Variants in FRMD4A observed in about 807,000 individuals in gnomAD.
FRMD4A encodes FERM domain-containing protein 4A.
Under a neutral mutation model 129.1 loss-of-function variants are expected in FRMD4A, and 29 were observed. That is an observed-to-expected ratio of 0.22 (90% CI 0.17 to 0.31). FRMD4A has a LOEUF of 0.31. Among genes scored for constraint, FRMD4A ranks in the 10% least tolerant of loss-of-function variants. The pLI, the probability that FRMD4A is intolerant of heterozygous loss-of-function variation, is 1.00. For missense variants in FRMD4A, 1,272 were observed against 1,375.8 expected (o/e 0.92, Z 1.19); for synonymous variants, 634 against 571.6 (o/e 1.11, Z -1.56).
intron 2 of FRMD4A, among the ~76,000 whole-genome samples, chr10:13,886,529 G>A (rs186854896): frequency 1.4e-4 from 21 of 152,264 alleles, no homozygotes; most frequent in African/African-American, 2.6e-4. Context: ...CCTAACAAGC[G>A]ACACTGTGCT....
intron 12 of FRMD4A, among the ~76,000 whole-genome samples, chr10:13,715,203 C>G (rs2088662137): frequency 6.6e-6 from 1 of 151,950 alleles, no homozygotes; most frequent in Admixed American, 6.6e-5. Context: ...GTCAGGAGCC[C>G]TCAGTTCTAG....
At chr10:14,295,005 C>G (rs903061291) in intron 2 of FRMD4A, among the ~76,000 whole-genome samples, 9 of 152,140 alleles carry the variant, frequency 5.9e-5, no homozygotes, top group African/African-American at 2.2e-4. Flanking sequence ...TAAAGTCAGA[C>G]AAGAAGACAA....
intron 3 of FRMD4A, among the ~76,000 whole-genome samples, chr10:13,841,643 C>T (rs1394958745): frequency 2.0e-5 from 3 of 152,204 alleles, no homozygotes; most frequent in Non-Finnish European, 4.4e-5. Context: ...TGCACTGTAA[C>T]TCCAGGAGGA....
chr10:13,815,027 C>T (rs1273065337), intron 3 of FRMD4A, among the ~76,000 whole-genome samples: 1 of 152,090 alleles, frequency 6.6e-6, no homozygotes, highest in African/African-American at 2.4e-5. Flanking sequence ...ACATTGAACT[C>T]TCCTAATTCC....
chr10:14,230,608 A>AT (rs1843606723), intron 2 of FRMD4A, among the ~76,000 whole-genome samples: 1 of 152,092 alleles, frequency 6.6e-6, no homozygotes, highest in African/African-American at 2.4e-5. Flanking sequence ...AATTTTTAAA[A>AT]TTTTTTATTG....
intron 6 of FRMD4A, among the ~76,000 whole-genome samples, chr10:13,779,747 C>A (rs560889544): frequency 6.7e-6 from 1 of 148,900 alleles, no homozygotes; most frequent in African/African-American, 2.5e-5. Context: ...TTTTGGCCTC[C>A]AAATTAATTA....
intron 12 of FRMD4A, among the ~76,000 whole-genome samples, chr10:13,711,147 G>A (rs2087976910): frequency 6.6e-6 from 1 of 152,194 alleles, no homozygotes; most frequent in African/African-American, 2.4e-5. Flanking sequence ...AAGGCAGTAG[G>A]GACCAGGAGG....
At chr10:13,729,443 T>TGCGGCGC (rs1480920109) in intron 12 of FRMD4A, 7 of 152,298 alleles carry the variant, frequency 4.6e-5, no homozygotes, top group African/African-American at 1.7e-4. Flanking sequence ...CGGCAGAACG[T>TGCGGCGC]ACACCGCACC....
rs528826254 is a variant in FRMD4A, at chr10:13,811,764, G to A, written c.112-856C>T. 2.0e-5 allele frequency among the ~76,000 whole-genome samples: 3 copies of A among 152,034 alleles called. No individual in the cohort carries two copies. In the South Asian group the frequency reaches 6.2e-4, roughly 32 times the overall value. On this transcript the variant is annotated intron_variant, in intron 3 of 24. Transcript: ENST00000357447. Reference sequence around the variant, plus strand: ...CTGATGCGGAAACAGGGCCGGAAGAGAAGAGTTATTTCTAAACTAGCTTCC... The same window carrying A: ...CTGATGCGGAAACAGGGCCGGAAGAAAAGAGTTATTTCTAAACTAGCTTCC...
chr10:14,141,361 C>T (rs561944805), intron 2 of FRMD4A, among the ~76,000 whole-genome samples: 1 of 152,276 alleles, frequency 6.6e-6, no homozygotes, highest in East Asian at 1.9e-4. Flanking sequence ...AACAGCAGGG[C>T]ACACAACCCC....
At chr10:13,780,882 G>C (rs765442743) in intron 6 of FRMD4A, among the ~76,000 whole-genome samples, 9 of 152,128 alleles carry the variant, frequency 5.9e-5, no homozygotes, top group Non-Finnish European at 1.2e-4. Flanking sequence ...GAGATATTTA[G>C]ACATCCATGT....
intron 2 of FRMD4A, among the ~76,000 whole-genome samples, chr10:13,955,125 T>TTTTTTTTTTTTTG (rs2095402289): frequency 1.4e-5 from 2 of 147,696 alleles, no homozygotes; most frequent in Non-Finnish European, 1.5e-5. Context: ...TTTTTTTTTT[T>TTTTTTTTTTTTTG]GAGACGGAGT....
chr10:13,707,694 T>G, intron 12 of FRMD4A: 1 of 985,522 alleles, frequency 1.0e-6, no homozygotes, highest in Non-Finnish European at 1.2e-6. Flanking sequence ...GGACCTTATT[T>G]CGGGGGCAGG....
chr10:14,160,054 A>C (rs1400547782), intron 2 of FRMD4A, among the ~76,000 whole-genome samples: 1 of 152,200 alleles, frequency 6.6e-6, no homozygotes, highest in Non-Finnish European at 1.5e-5. Context: ...CGTCTCCAAA[A>C]AAAATATGTA....
rs547323060 is a variant in FRMD4A at position 13,808,382 on chromosome 10, T to C, written c.206+2432A>G. ...AGAAAACACGGTTATAAAACAATTT[T>C]GCTGTAGTGTCCCGTGATACAGAGC... On this transcript the variant is annotated intron_variant, in intron 4 of 24. Coordinates refer to ENST00000357447, the MANE Select transcript of FRMD4A (RefSeq NM_018027.5). Among the ~76,000 whole-genome samples, 7 of 152,314 alleles carry C rather than the reference T, an allele frequency of 4.6e-5. No individual in the cohort carries two copies. The South Asian group carries it at 1.5e-3, about 32-fold the overall frequency.
intron 12 of FRMD4A, among the ~76,000 whole-genome samples, chr10:13,730,481 A>G (rs1171842040): frequency 6.6e-6 from 1 of 152,052 alleles, no homozygotes; most frequent in Non-Finnish European, 1.5e-5. Context: ...TTCTTTTCTG[A>G]TGGCCTAGCT....
At chr10:14,077,547 T>C (rs1251987808) in intron 2 of FRMD4A, among the ~76,000 whole-genome samples, 1 of 152,184 alleles carries the variant, frequency 6.6e-6, no homozygotes, top group Non-Finnish European at 1.5e-5. Context: ...TTGGCAAAAA[T>C]GTCCATTTCT....
At chr10:13,690,191 C>T (rs979853610) in intron 15 of FRMD4A, among the ~76,000 whole-genome samples, 1 of 152,120 alleles carries the variant, frequency 6.6e-6, no homozygotes, top group Admixed American at 6.5e-5. Context: ...TTGCAAGCAG[C>T]GGGGCTTGTC....
At chr10:13,731,708 T>G (rs905445130) in intron 12 of FRMD4A, among the ~76,000 whole-genome samples, 1 of 152,044 alleles carries the variant, frequency 6.6e-6, no homozygotes, top group Non-Finnish European at 1.5e-5. Flanking sequence ...AGGGTTCTGC[T>G]TGACCTCTTA....
Sources: gnomAD v4.1 joint callset for allele counts (sites outside exome capture counted in the v4.1 genomes callset) on GRCh38, gnomAD v4.1.1 for gene constraint, MANE v1.5 for transcripts, NCBI Gene and HGNC (gene_info 2026-07-23, HGNC 2026-07-21) for gene names.